The following MBD5 variants were observed in gnomAD, a reference collection of about 807,000 sequenced individuals.
MBD5 encodes the protein methyl-CpG binding domain protein 5, also known as methyl-CpG-binding domain protein 5.
MBD5 carries 13 observed loss-of-function variants against 117.3 expected under a neutral mutation model. The observed-to-expected ratio is 0.11, with a 90% CI of 0.07 to 0.18. MBD5 has a LOEUF of 0.18. MBD5 is among the 10% of genes least tolerant of loss of function. MBD5 has a pLI of 1.00. For synonymous variants in MBD5, 727 were observed against 766.4 expected (o/e 0.95, Z 0.85); for missense variants, 1,879 against 2,093.8 (o/e 0.90, Z 2.00).
chr2:148,505,301 C>T (rs1189419279), intron 12 of MBD5, among the ~76,000 whole-genome samples: 3 of 152,214 alleles, frequency 2.0e-5, no homozygotes, highest in Non-Finnish European at 2.9e-5. Context: ...GCTGGACATA[C>T]GTGTCTGAAA....
chr2:148,259,158 G>A lies in MBD5; in HGVS notation c.-680+25763G>A, dbSNP rs190687981. On this transcript the variant is annotated intron_variant, in intron 3 of 13. Transcript: ENST00000642680. ...CAGTTTCAGGTATTTCACCAGTGTCGTCCCACATAGTCCGTATGGCTGCCC... is the reference window on the plus strand; with the variant it reads ...CAGTTTCAGGTATTTCACCAGTGTCATCCCACATAGTCCGTATGGCTGCCC... Among the ~76,000 whole-genome samples the A allele has an allele frequency of 5.4e-4, 82 of 152,192 alleles. No homozygotes were observed. The East Asian group carries it at 9.7e-3, about 18-fold the overall frequency.
At chr2:148,386,080 T>C (rs964882101) in intron 4 of MBD5, among the ~76,000 whole-genome samples, 1 of 151,738 alleles carries the variant, frequency 6.6e-6, no homozygotes, top group African/African-American at 2.4e-5. Flanking sequence ...CTGCACGTTG[T>C]GCACATGTCC....
At chr2:148,334,339 G>T (rs73965314) in intron 3 of MBD5, among the ~76,000 whole-genome samples, 14,814 of 146,984 alleles carry the variant, frequency 0.1, 929 homozygotes, top group African/African-American at 0.17. Context: ...TATTTGTTTT[G>T]TTTTTTTTTT....
chr2:148,332,059 G>A (rs1702672792), intron 3 of MBD5, among the ~76,000 whole-genome samples: 2 of 151,740 alleles, frequency 1.3e-5, no homozygotes, highest in Non-Finnish European at 2.9e-5. Context: ...TGTGTCTTTT[G>A]GTAATTATAA....
intron 1 of MBD5, among the ~76,000 whole-genome samples, chr2:148,037,006 C>T (rs1341379480): frequency 1.6e-5 from 2 of 126,452 alleles, no homozygotes; most frequent in East Asian, 2.5e-4. Context: ...TAAATGGTTG[C>T]GTAGATAACA....
chr2:148,463,670 T>A, intron 6 of MBD5, 69 bp from the exon 7 acceptor site: 1 of 1,571,914 alleles, frequency 6.4e-7, no homozygotes. Flanking sequence ...ACTTTTTTTT[T>A]AAACAAAGGG....
At chr2:148,430,739 A>G (rs761637163) in intron 4 of MBD5, among the ~76,000 whole-genome samples, 4 of 152,122 alleles carry the variant, frequency 2.6e-5, no homozygotes, top group Non-Finnish European at 5.9e-5. Flanking sequence ...TTTTAAAACA[A>G]TAAGAGAATA....
At chr2:148,120,538 A>G (rs939467129) in intron 1 of MBD5, among the ~76,000 whole-genome samples, 9 of 152,142 alleles carry the variant, frequency 5.9e-5, no homozygotes, top group South Asian at 2.1e-4. Flanking sequence ...TTTCTTTTAC[A>G]TGCTATTGTA....
chr2:148,372,937 A>G (rs1208908028), intron 4 of MBD5, among the ~76,000 whole-genome samples: 1 of 152,162 alleles, frequency 6.6e-6, no homozygotes, highest in Non-Finnish European at 1.5e-5. Context: ...CAACTGAGTA[A>G]TAGTAATTTA....
At chr2:148,486,096 C>A in intron 10 of MBD5, 146 bp downstream of exon 10, 1 of 775,350 alleles carries the variant, frequency 1.3e-6, no homozygotes, top group South Asian at 1.6e-5. Context: ...TATTGTTAAA[C>A]ATTCCAGTCT....
intron 4 of MBD5, among the ~76,000 whole-genome samples, chr2:148,349,545 C>T (rs2105220623): frequency 6.6e-6 from 1 of 151,948 alleles, no homozygotes; most frequent in Non-Finnish European, 1.5e-5. Flanking sequence ...CAACTTAAGT[C>T]ACAACGTGTT....
intron 1 of MBD5, among the ~76,000 whole-genome samples, chr2:148,077,984 T>C: frequency 6.6e-6 from 1 of 152,140 alleles, no homozygotes; most frequent in Admixed American, 6.5e-5. Flanking sequence ...GGTTCTGTTA[T>C]GTGGAATGTA....
chr2:148,258,822 G>A (rs1700659446), intron 3 of MBD5, among the ~76,000 whole-genome samples: 1 of 152,126 alleles, frequency 6.6e-6, no homozygotes, highest in African/African-American at 2.4e-5. Context: ...CTCCCATGGG[G>A]GCCCCCCTGT....
At chr2:148,303,869 A>G (rs533777542) in intron 3 of MBD5, among the ~76,000 whole-genome samples, 1 of 152,304 alleles carries the variant, frequency 6.6e-6, no homozygotes, top group East Asian at 1.9e-4. Context: ...AAATAAATCT[A>G]ATTTTATTAG....
At chr2:148,264,298 C>CGAA (rs57683670) in intron 3 of MBD5, 36,804 of 147,542 alleles carry the variant, frequency 0.25, 4,800 homozygotes, top group African/African-American at 0.31. Flanking sequence ...GAGACCTCGT[C>CGAA]GAAGAAGAAG....
intron 3 of MBD5, among the ~76,000 whole-genome samples, chr2:148,294,595 C>T (rs555708460): frequency 2.2e-4 from 33 of 149,364 alleles, no homozygotes; most frequent in African/African-American, 7.7e-4. Flanking sequence ...CTCCACCTCC[C>T]GGGTTCAAGG....
chr2:148,410,011 T>G (rs1559059244), intron 4 of MBD5, among the ~76,000 whole-genome samples: 1 of 152,190 alleles, frequency 6.6e-6, no homozygotes, highest in Non-Finnish European at 1.5e-5. Context: ...AGAATATCAT[T>G]TTATGTAACT....
intron 12 of MBD5, among the ~76,000 whole-genome samples, chr2:148,503,294 T>C (rs1339833018): frequency 6.6e-6 from 1 of 152,198 alleles, no homozygotes; most frequent in Non-Finnish European, 1.5e-5. Flanking sequence ...TTTTTATTCA[T>C]TTGCAAAATG....
At chr2:148,074,119 T>C (rs954210332) in intron 1 of MBD5, among the ~76,000 whole-genome samples, 6 of 152,194 alleles carry the variant, frequency 3.9e-5, no homozygotes, top group Admixed American at 2.0e-4. Context: ...AACTAATTTC[T>C]CCTCCACTTC....
Sources: allele counts gnomAD v4.1 joint callset (sites outside exome capture counted in the v4.1 genomes callset), GRCh38; gene constraint gnomAD v4.1.1; transcripts MANE v1.5; gene names NCBI Gene and HGNC (gene_info 2026-07-23, HGNC 2026-07-21).